FAM133A: variants seen among roughly 807,000 people sequenced by gnomAD.
FAM133A encodes protein FAM133A.
For synonymous variants in FAM133A, 65 were observed against 58.6 expected, an observed-to-expected ratio of 1.11 and a Z score of -0.50; for missense variants, 159 against 164.4, an observed-to-expected ratio of 0.97 and a Z score of 0.18.
chrX:93,685,836 T>C (rs767810633), intron 2 of FAM133A, among the ~76,000 whole-genome samples: 20 of 111,218 alleles, frequency 1.8e-4, no homozygotes, highest in Non-Finnish European at 2.6e-4. Flanking sequence ...TTGCCAGGAA[T>C]GCTAGCTCAT....
intron 3 of FAM133A, among the ~76,000 whole-genome samples, chrX:93,708,361 A>C (rs1927183072): frequency 8.9e-6 from 1 of 112,107 alleles, no homozygotes; most frequent in Non-Finnish European, 1.9e-5. Flanking sequence ...TTTCATTAAA[A>C]TATAAAACCA....
rs1445993806 is a variant in FAM133A, at chrX:93,711,184, G to T, written c.*1018G>T. 2.7e-4 allele frequency: 33 copies of T among 121,914 alleles called. No homozygotes were observed. Among genetic ancestry groups the T allele is most frequent in the Non-Finnish European group, 1.9e-5 (1 of 52,836 alleles). 10.0% of individuals were successfully genotyped at this position (121,914 alleles called of 1,213,427 possible). On this transcript the variant is annotated 3_prime_UTR_variant, in exon 4 of 4. Coordinates refer to ENST00000683942, the MANE Select transcript of FAM133A (RefSeq NM_001171109.2). ...GCCAAAATATTTAGCATGTGAAAAG[G>T]TTTTTTTTAAAAAATATGTAATGCC... is the stretch of plus-strand genomic sequence containing the variant.
At chrX:93,689,801 A>C (rs1925776038) in intron 2 of FAM133A, among the ~76,000 whole-genome samples, 1 of 111,789 alleles carries the variant, frequency 8.9e-6, no homozygotes, top group Non-Finnish European at 1.9e-5. Flanking sequence ...TTATTTGATG[A>C]GACAATGGAA....
intron 3 of FAM133A, among the ~76,000 whole-genome samples, chrX:93,703,305 G>T (rs1347438015): frequency 8.9e-6 from 1 of 111,790 alleles, no homozygotes; most frequent in Admixed American, 9.5e-5. Flanking sequence ...AGGAGCCTAG[G>T]AGACATGATG....
chrX:93,685,018 G>C (rs1478433070), intron 2 of FAM133A, among the ~76,000 whole-genome samples: 3 of 111,774 alleles, frequency 2.7e-5, no homozygotes, highest in Non-Finnish European at 1.9e-5. Context: ...AAGCTTTTAT[G>C]CATCGTTGTT....
intron 3 of FAM133A, among the ~76,000 whole-genome samples, chrX:93,701,893 A>C (rs1466536092): frequency 1.8e-5 from 2 of 111,191 alleles, no homozygotes; most frequent in Non-Finnish European, 3.8e-5. Flanking sequence ...TACGCTTTTT[A>C]TTAGACTATA....
At chrX:93,692,112 A>AT (rs1417817221) in intron 2 of FAM133A, among the ~76,000 whole-genome samples, 2 of 111,395 alleles carry the variant, frequency 1.8e-5, no homozygotes, top group African/African-American at 3.3e-5. Context: ...CAGATTTTGG[A>AT]TTTTTTTGGA....
intron 2 of FAM133A, among the ~76,000 whole-genome samples, chrX:93,684,643 G>C (rs1925391814): frequency 8.9e-6 from 1 of 111,890 alleles, no homozygotes; most frequent in Admixed American, 9.5e-5. Context: ...CATTCACATA[G>C]AAAAATGTCT....
intron 2 of FAM133A, among the ~76,000 whole-genome samples, chrX:93,688,921 TAACTA>T (rs1925713861): frequency 1.8e-5 from 2 of 110,740 alleles, no homozygotes; most frequent in South Asian, 7.6e-4. Flanking sequence ...AAGCATGACT[TAACTA>T]TATATATATG....
At chrX:93,708,265 G>A (rs1369921862) in intron 3 of FAM133A, among the ~76,000 whole-genome samples, 1 of 112,004 alleles carries the variant, frequency 8.9e-6, no homozygotes, top group Non-Finnish European at 1.9e-5. Flanking sequence ...GAAAAGAATT[G>A]AGAAAAAAGG....
intron 2 of FAM133A, among the ~76,000 whole-genome samples, chrX:93,691,005 G>T (rs769693152): frequency 9.0e-6 from 1 of 111,452 alleles, no homozygotes; most frequent in Admixed American, 9.5e-5. Context: ...CAAGTTATTT[G>T]CCAATTTTTA....
At chrX:93,695,711 T>G (rs1423233393) in intron 2 of FAM133A, among the ~76,000 whole-genome samples, 4 of 86,985 alleles carry the variant, frequency 4.6e-5, no homozygotes, top group South Asian at 6.9e-4. Context: ...GCGCGATCTC[T>G]GCTCACTGCA....
At chrX:93,679,915 ATTTTTTTTTTTTTTTTTTT>A (rs376335726) in intron 2 of FAM133A, among the ~76,000 whole-genome samples, 20 of 62,428 alleles carry the variant, frequency 3.2e-4, no homozygotes, top group African/African-American at 1.5e-3. Flanking sequence ...CTCCTGGCAA[ATTTTTTTTTTTTTTTTTTT>A]TTTTTTTTTT....
At chrX:93,703,472 A>G (rs1354742449) in intron 3 of FAM133A, among the ~76,000 whole-genome samples, 1 of 111,966 alleles carries the variant, frequency 8.9e-6, no homozygotes, top group Non-Finnish European at 1.9e-5. Flanking sequence ...AATGTAAGAT[A>G]TTAACGGTAA....
chrX:93,680,683 A>G (rs1925078935), intron 2 of FAM133A, among the ~76,000 whole-genome samples: 1 of 111,674 alleles, frequency 9.0e-6, no homozygotes, highest in African/African-American at 3.3e-5. Context: ...ATTTGCATTT[A>G]CCTGATGATT....
intron 2 of FAM133A, among the ~76,000 whole-genome samples, chrX:93,686,548 G>A (rs112923083): frequency 0.069 from 7,731 of 111,783 alleles, 606 homozygotes; most frequent in African/African-American, 0.23. Context: ...CTAGTGAGTC[G>A]GGTGTGGAAA....
chrX:93,698,069 A>G (rs1926424628), intron 2 of FAM133A, among the ~76,000 whole-genome samples: 2 of 111,511 alleles, frequency 1.8e-5, no homozygotes, highest in Admixed American at 1.9e-4. Context: ...AGTGGTTTCA[A>G]TAGGCAGTGA....
chrX:93,698,707 A>G (rs911678518), intron 3 of FAM133A, among the ~76,000 whole-genome samples: 2 of 111,957 alleles, frequency 1.8e-5, no homozygotes, highest in African/African-American at 6.5e-5. Context: ...ATAAGTAGCT[A>G]TTTCCAGTTT....
intron 2 of FAM133A, among the ~76,000 whole-genome samples, chrX:93,684,339 C>A (rs1925369414): frequency 8.9e-6 from 1 of 111,990 alleles, no homozygotes; most frequent in Non-Finnish European, 1.9e-5. Context: ...TTTTGATTTT[C>A]TGTTCTGTTC....
Sources: allele counts gnomAD v4.1 joint callset (sites outside exome capture counted in the v4.1 genomes callset), GRCh38; gene constraint gnomAD v4.1.1; transcripts MANE v1.5; gene names NCBI Gene and HGNC (gene_info 2026-07-23, HGNC 2026-07-21).